The following NR1I2 variants were observed in gnomAD, a reference collection of about 807,000 sequenced individuals.
The protein encoded by NR1I2 is nuclear receptor subfamily 1 group I member 2.
A neutral mutation model predicts 43.3 loss-of-function variants in NR1I2; 42 were observed. The ratio of observed to expected loss-of-function variants is 0.97; its 90% CI spans 0.76 to 1.26. The LOEUF (loss-of-function observed/expected upper bound fraction) is 1.26, where lower values mean the gene tolerates loss of function less well. Among genes scored for constraint, NR1I2 ranks in the 50% most tolerant of loss-of-function variants. The probability of loss-of-function intolerance (pLI) is 0.00; values close to 1 mark genes in which losing one functional copy is unlikely to be tolerated. For synonymous variants in NR1I2, 229 were observed against 215.0 expected, an observed-to-expected ratio of 1.06 and a Z score of -0.57; for missense variants, 559 against 566.7, an observed-to-expected ratio of 0.99 and a Z score of 0.14.
chr3:119,790,695 G>A lies in NR1I2; in HGVS notation c.-23+8395G>A, dbSNP rs2107949071. ...TTTCATGTGCTTGTTGGCAAGTGAT[G>A]TTCTTTTAAATGTGTACTATGTTCT... On this transcript the variant is annotated intron_variant, in intron 1 of 8. Coordinates refer to ENST00000393716, the MANE Select transcript of NR1I2 (RefSeq NM_003889.4). Among the ~76,000 whole-genome samples the A allele has an allele frequency of 2.0e-5, 3 of 152,282 alleles. No homozygotes were observed. In the South Asian group the frequency reaches 6.2e-4, roughly 32 times the overall value.
chr3:119,799,746 G>A (rs2055051081), intron 1 of NR1I2, among the ~76,000 whole-genome samples: 1 of 152,176 alleles, frequency 6.6e-6, no homozygotes, highest in African/African-American at 2.4e-5. Flanking sequence ...TTGGGAGGCT[G>A]AGGGGCATGG....
intron 1 of NR1I2, among the ~76,000 whole-genome samples, chr3:119,793,778 T>G (rs2054954203): frequency 6.6e-6 from 1 of 152,190 alleles, no homozygotes; most frequent in African/African-American, 2.4e-5. Flanking sequence ...GTTCTGGGGA[T>G]AAGGGTGCAG....
At chr3:119,813,722 G>A (rs1287728249) in intron 5 of NR1I2, among the ~76,000 whole-genome samples, 2 of 152,100 alleles carry the variant, frequency 1.3e-5, no homozygotes, top group African/African-American at 4.8e-5. Flanking sequence ...TTATTTAATG[G>A]GGTGATGCTG....
intron 2 of NR1I2, among the ~76,000 whole-genome samples, chr3:119,809,013 G>A (rs573197487): frequency 2.6e-5 from 4 of 152,316 alleles, no homozygotes; most frequent in African/African-American, 9.6e-5. Flanking sequence ...ACTGGTCCGA[G>A]GCCCGAGGCC....
chr3:119,800,027 G>C (rs187455836), intron 1 of NR1I2, among the ~76,000 whole-genome samples: 40 of 151,660 alleles, frequency 2.6e-4, no homozygotes, highest in African/African-American at 9.7e-4. Context: ...TATAATACCC[G>C]AAGCCTTCAC....
At chr3:119,785,644 A>G (rs1043499560) in intron 1 of NR1I2, among the ~76,000 whole-genome samples, 2 of 152,216 alleles carry the variant, frequency 1.3e-5, no homozygotes, top group African/African-American at 4.8e-5. Context: ...CCCCAGGCCT[A>G]CAGGAGTCCA....
intron 8 of NR1I2, 135 bp from the exon 9 acceptor site, chr3:119,816,933 C>A (rs28365102): frequency 3.5e-6 from 4 of 1,130,056 alleles, no homozygotes; most frequent in Non-Finnish European, 5.2e-6. Context: ...GAGAAGCTTA[C>A]GGAATTCAGC....
At position 119,782,946 on chromosome 3, in the gene NR1I2, T is replaced by C; in HGVS notation, c.-23+646T>C. On this transcript the variant is annotated intron_variant, in intron 1 of 8. Coordinates refer to ENST00000393716, the MANE Select transcript of NR1I2 (RefSeq NM_003889.4). ...TCAGTGCCACCAGGTCCTTCTTCTC[T>C]CCACTTTACAGCCCAGCTCGGCTGA... 5 of 1,033,968 alleles carry C rather than the reference T, an allele frequency of 4.8e-6. No homozygotes were observed. The East Asian group carries it at 1.2e-4, about 25-fold the overall frequency. 64.0% of individuals were successfully genotyped at this position (1,033,968 alleles called of 1,614,324 possible). A position where few individuals can be genotyped will look rare whatever the true frequency, so the allele number is the denominator to read the frequency against.
At chr3:119,791,486 G>A (rs1467606117) in intron 1 of NR1I2, among the ~76,000 whole-genome samples, 1 of 152,188 alleles carries the variant, frequency 6.6e-6, no homozygotes, top group African/African-American at 2.4e-5. Flanking sequence ...TCTGATGGAG[G>A]AAGGAAGTAA....
intron 1 of NR1I2, chr3:119,802,922 C>A: frequency 2.2e-6 from 1 of 456,628 alleles, no homozygotes; most frequent in South Asian, 1.5e-5. Context: ...ATGTTTCCCC[C>A]AAATTCGTAT....
intron 1 of NR1I2, among the ~76,000 whole-genome samples, chr3:119,799,497 A>T (rs755612884): frequency 1.9e-4 from 29 of 152,162 alleles, no homozygotes; most frequent in Non-Finnish European, 3.4e-4. Context: ...TACTTTCTTA[A>T]TAGTGTAGAA....
intron 1 of NR1I2, among the ~76,000 whole-genome samples, chr3:119,804,156 G>C (rs2055118716): frequency 6.6e-6 from 1 of 151,100 alleles, no homozygotes; most frequent in African/African-American, 2.4e-5. Flanking sequence ...CAGATAACGA[G>C]GTCAGGAGAT....
chr3:119,807,297 A>T lies in NR1I2; in HGVS notation c.47A>T (p.His16Leu), dbSNP rs781531379. The T allele has an allele frequency of 1.3e-5, 21 of 1,614,104 alleles. No homozygotes were observed. Among genetic ancestry groups the T allele is most frequent in the Non-Finnish European group, 1.8e-5 (21 of 1,180,034 alleles). Residue 16 changes from histidine to leucine, a missense_variant, in exon 2 of 9, where the codon CAC becomes CTC. Coordinates refer to ENST00000393716, the MANE Select transcript of NR1I2 (RefSeq NM_003889.4). ...AGCTGGAACCATGCTGACTTTGTAC[A>T]CTGTGAGGACACAGAGTCTGTTCCT...
chr3:119,783,005 C>G (rs1008412963), intron 1 of NR1I2, among the ~76,000 whole-genome samples: 2 of 152,148 alleles, frequency 1.3e-5, no homozygotes, highest in Non-Finnish European at 2.9e-5. Context: ...TAAGGCCACT[C>G]CATATCTAGG....
intron 1 of NR1I2, among the ~76,000 whole-genome samples, chr3:119,792,767 C>T (rs1960022): frequency 2.0e-4 from 31 of 152,162 alleles, no homozygotes; most frequent in African/African-American, 3.1e-4. Flanking sequence ...CCCAGCTACT[C>T]GGGAAGCTGA....
At chr3:119,803,877 C>A (rs2055114559) in intron 1 of NR1I2, among the ~76,000 whole-genome samples, 1 of 152,004 alleles carries the variant, frequency 6.6e-6, no homozygotes, top group Non-Finnish European at 1.5e-5. Flanking sequence ...CATGCCTCAG[C>A]CTCCCAAGTA....
chr3:119,812,451 A>C (rs1042133802), intron 4 of NR1I2, among the ~76,000 whole-genome samples: 1 of 152,184 alleles, frequency 6.6e-6, no homozygotes, highest in Non-Finnish European at 1.5e-5. Flanking sequence ...GTGACCATTA[A>C]TTCATAGATC....
In NR1I2 at chr3:119,809,731, G is replaced by A. The variant is rs143987289; in HGVS notation, c.198-330G>A. On this transcript the variant is annotated intron_variant, in intron 2 of 8. Coordinates refer to ENST00000393716, the MANE Select transcript of NR1I2 (RefSeq NM_003889.4). ...AAGGGGACAGGTGTTTCAGGAAGAAGGGAAGGCGCTGAGGATGGGCCTGGA... is the reference window on the plus strand; with the variant it reads ...AAGGGGACAGGTGTTTCAGGAAGAAAGGAAGGCGCTGAGGATGGGCCTGGA... 5.2e-3 allele frequency among the ~76,000 whole-genome samples: 788 copies of A among 152,338 alleles called. 10 individuals are homozygous for A. The highest frequency in any genetic ancestry group is 0.018 in the African/African-American group (763 of 41,574).
Position 119,782,839 on chromosome 3 carries a change from T to C in NR1I2, c.-23+539T>C, listed in dbSNP as rs757875352. The C allele has an allele frequency of 1.1e-5, 17 of 1,613,922 alleles. No individual in the cohort carries two copies. In the Middle Eastern group the frequency reaches 1.2e-3, roughly 109 times the overall value. ...ACCCCTGCACAGTGCTGCGGCTGAG[T>C]TGGCTTCAAACCAGTGAGTTTTCTA... On this transcript the variant is annotated intron_variant, in intron 1 of 8. Transcript: ENST00000393716.
Sources: allele counts gnomAD v4.1 joint callset (sites outside exome capture counted in the v4.1 genomes callset), GRCh38; gene constraint gnomAD v4.1.1; transcripts MANE v1.5; gene names NCBI Gene and HGNC (gene_info 2026-07-23, HGNC 2026-07-21).